TRPV4: variants seen among roughly 807,000 people sequenced by gnomAD.
The protein encoded by TRPV4 is OSM9-like transient receptor potential channel 4.
In TRPV4, 58 loss-of-function variants were observed where a neutral mutation model predicts 84.1. That is an observed-to-expected ratio of 0.69 (90% CI 0.56 to 0.86). The LOEUF is 0.86. Among genes scored for constraint, TRPV4 ranks in the 40% least tolerant of loss-of-function variants. The pLI, the probability that TRPV4 is intolerant of heterozygous loss-of-function variation, is 0.00. For synonymous variants in TRPV4, 489 were observed against 500.9 expected, an observed-to-expected ratio of 0.98 and a Z score of 0.32; for missense variants, 879 against 1,181.1, an observed-to-expected ratio of 0.74 and a Z score of 3.75.
In TRPV4 at chr12:109,796,615, C is replaced by A; in HGVS notation, c.1242G>T (p.Val414=). Residue 414 remains valine, a synonymous_variant, in exon 7 of 16, where the codon GTG becomes GTT. Transcript: ENST00000261740. The surrounding 1 kb of genome is among the most constrained non-coding windows in gnomAD (Gnocchi z 4.2). ...RKFKDWAYGP[V]YSSLYDLSSL... The stretch of plus-strand genomic sequence containing the variant: ...AGGAGAGGTCATAAAGCGAGGAATA[C>A]ACTGGCCCATAGGCCCAGTCCTTGA... 1.2e-6 allele frequency: 2 copies of A among 1,614,216 alleles called. No individual in the cohort carries two copies. Among genetic ancestry groups the A allele is most frequent in the Non-Finnish European group, 1.7e-6 (2 of 1,180,038 alleles).
rs1397311306 is a variant in TRPV4, at chr12:109,798,818, G to A, written c.948C>T (p.Arg316=). ...ENPHKKADMR[R]QDSRGNTVLH... is the part of the protein sequence containing the mutation. ...GCACTGTGTTGCCTCGCGAGTCCTG[G>A]CGCCGCATGTCCGCCTTCTTGTGGG... is the stretch of plus-strand genomic sequence containing the variant. Residue 316 remains arginine, a synonymous_variant, in exon 6 of 16, where the codon CGC becomes CGT. Transcript: ENST00000261740. This position sits in a 1 kb window ranked among gnomAD's most constrained non-coding sequence, Gnocchi z 5.0. 1 of 1,614,186 alleles carries A rather than the reference G, an allele frequency of 6.2e-7. No homozygotes were observed. The highest frequency in any genetic ancestry group is 1.7e-5 in the Admixed American group (1 of 60,032).
intron 1 of TRPV4, among the ~76,000 whole-genome samples, chr12:109,831,149 G>C (rs1200953708): frequency 6.6e-6 from 1 of 152,122 alleles, no homozygotes; most frequent in Non-Finnish European, 1.5e-5. Flanking sequence ...ACAAACTCCA[G>C]ACAAACAGAA....
At chr12:109,826,610 C>T (rs1365077815) in intron 1 of TRPV4, among the ~76,000 whole-genome samples, 2 of 152,174 alleles carry the variant, frequency 1.3e-5, no homozygotes, top group Non-Finnish European at 2.9e-5. Flanking sequence ...CTTTTAAATC[C>T]ATTTGAGTTC....
chr12:109,788,786 C>T, intron 12 of TRPV4, 70 bp from the exon 13 acceptor site: 1 of 1,577,780 alleles, frequency 6.3e-7, no homozygotes, highest in Non-Finnish European at 8.7e-7. Context: ...GTGTCATTCT[C>T]ATTTGCTGGA....
chr12:109,784,771 G>A (rs1176233999), intron 14 of TRPV4, among the ~76,000 whole-genome samples: 3 of 148,480 alleles, frequency 2.0e-5, no homozygotes, highest in Non-Finnish European at 3.0e-5. Context: ...TTGAACCTGG[G>A]AGGCAGTTGC....
In TRPV4 at chr12:109,786,633, AC is replaced by A; in HGVS notation, c.2336+76del. On this transcript the variant is annotated intron_variant, in intron 14 of 15. Coordinates refer to ENST00000261740, the MANE Select transcript of TRPV4 (RefSeq NM_021625.5). This position sits in a 1 kb window ranked among gnomAD's most constrained non-coding sequence, Gnocchi z 4.5. ...CTCCAGAAATTGCAATGGGTAGACG[AC>A]GCTGGAGCAGCAGGGGCCCCGAGCC... 1.3e-6 allele frequency: 2 copies of A among 1,586,902 alleles called. No homozygotes were observed. The highest frequency in any genetic ancestry group is 1.7e-6 in the Non-Finnish European group (2 of 1,164,706).
chr12:109,826,275 T>C (rs1211461410), intron 1 of TRPV4, among the ~76,000 whole-genome samples: 1 of 152,210 alleles, frequency 6.6e-6, no homozygotes, highest in Non-Finnish European at 1.5e-5. Flanking sequence ...CCACACACCT[T>C]GGCCTCCCAA....
rs562586885 is a variant in TRPV4 at position 109,799,148 on chromosome 12, G to A, written c.854-236C>T. 4.1e-4 allele frequency among the ~76,000 whole-genome samples: 62 copies of A among 151,702 alleles called. 3 individuals are homozygous for A. In the South Asian group the frequency reaches 0.011, roughly 27 times the overall value. Reference sequence around the variant, plus strand: ...GAGGGACTGGACACATCCAATGATGGAATTCTTTTTTTTTTTTTTTTTGAG... The same window carrying A: ...GAGGGACTGGACACATCCAATGATGAAATTCTTTTTTTTTTTTTTTTTGAG... On this transcript the variant is annotated intron_variant, in intron 5 of 15. Transcript: ENST00000261740.
chr12:109,802,090 T>C (rs577773077), intron 4 of TRPV4, among the ~76,000 whole-genome samples: 1 of 151,852 alleles, frequency 6.6e-6, no homozygotes, highest in East Asian at 1.9e-4. Flanking sequence ...GATCCCGAGT[T>C]CATGATCACT....
Position 109,796,562 on chromosome 12 carries a change from G to A in TRPV4, c.1295C>T (p.Ser432Phe). 1.9e-6 allele frequency: 3 copies of A among 1,614,140 alleles called. No individual in the cohort carries two copies. Among genetic ancestry groups the A allele is most frequent in the South Asian group, 1.1e-5 (1 of 91,084 alleles). Residue 432 changes from serine to phenylalanine, a missense_variant, in exon 7 of 16, where the codon TCC becomes TTC. Around this residue, in one of 4 missense-constraint regions of TRPV4, gnomAD observed 521 missense variants for 686.6 expected, o/e 0.76. Transcript: ENST00000261740. This position sits in a 1 kb window ranked among gnomAD's most constrained non-coding sequence, Gnocchi z 4.2. ...SSLDTCGEEA[S>F]VLEILVYNSK... The stretch of plus-strand genomic sequence containing the variant: ...GTTGTACACCAGGATCTCCAGCACG[G>A]AGGCCTCTTCCCCACACGTGTCCAG...
chr12:109,814,543 A>C lies in TRPV4; in HGVS notation c.254T>G (p.Leu85Arg). The C allele has an allele frequency of 6.2e-7, 1 of 1,614,108 alleles. No homozygotes were observed. Among genetic ancestry groups the C allele is most frequent in the Non-Finnish European group, 8.5e-7 (1 of 1,179,994 alleles). ...FRKGVPNPID[L>R]LESTLYESSV... Reference sequence around the variant, plus strand: ...GGACTCATATAGGGTGGACTCCAGCAGATCGATGGGGTTGGGCACCCCCTT... The same window carrying C: ...GGACTCATATAGGGTGGACTCCAGCCGATCGATGGGGTTGGGCACCCCCTT... The change falls in exon 2 of 16, where the codon CTG (leucine) becomes CGG (arginine). Residue 85 changes from leucine (L) to arginine (R), a missense_variant. Around this residue, in one of 4 missense-constraint regions of TRPV4, gnomAD observed 521 missense variants for 686.6 expected, o/e 0.76. Coordinates refer to ENST00000261740, the MANE Select transcript of TRPV4 (RefSeq NM_021625.5). This position sits in a 1 kb window ranked among gnomAD's most constrained non-coding sequence, Gnocchi z 5.4.
chr12:109,792,325 C>T, intron 12 of TRPV4, 38 bp downstream of exon 12: 1 of 1,593,576 alleles, frequency 6.3e-7, no homozygotes, highest in Non-Finnish European at 8.6e-7. Context: ...CGTCCTTGCA[C>T]CACCCCTGCC....
In TRPV4 at chr12:109,793,783, G is replaced by A. The variant is rs1289328074; in HGVS notation, c.1584+147C>T. ...GATGGAGAACGTGGGATTGGAGGAG[G>A]TAGAAGAGAAATGGGAAAATAAAAG... On this transcript the variant is annotated intron_variant, in intron 9 of 15. Transcript: ENST00000261740. The surrounding 1 kb of genome is among the most constrained non-coding windows in gnomAD (Gnocchi z 4.0). 2.4e-6 allele frequency: 2 copies of A among 826,066 alleles called. No homozygotes were observed. The highest frequency in any genetic ancestry group is 4.1e-6 in the Non-Finnish European group (2 of 489,670). The allele number at this position is 826,066 out of a possible 1,614,324, so 51.2% of individuals were successfully genotyped here. A position where few individuals can be genotyped will look rare whatever the true frequency, so the allele number is the denominator to read the frequency against.
chr12:109,801,905 T>C (rs995257369), intron 4 of TRPV4, among the ~76,000 whole-genome samples: 3 of 152,212 alleles, frequency 2.0e-5, no homozygotes, highest in Non-Finnish European at 4.4e-5. Flanking sequence ...ATAATATTCA[T>C]GGATTTTGAA....
At position 109,796,379 on chromosome 12, in the gene TRPV4, C is replaced by A. The variant is rs1199223693; in HGVS notation, c.1332+146G>T. The A allele has an allele frequency of 6.9e-6, 6 of 870,622 alleles. No homozygotes were observed. In the African/African-American group the frequency reaches 8.4e-5, roughly 12 times the overall value. 53.9% of individuals were successfully genotyped at this position (870,622 alleles called of 1,614,324 possible). On this transcript the variant is annotated intron_variant, in intron 7 of 15. Transcript: ENST00000261740. The surrounding 1 kb of genome is among the most constrained non-coding windows in gnomAD (Gnocchi z 4.2). ...GACACTGTTCTGGGCACTTAGTTGG[C>A]ACCTTCTCTTGCATTCAGCCAACAG...
rs1215301966 is a variant in TRPV4 at position 109,814,378 on chromosome 12, G to A, written c.386+33C>T. The A allele has an allele frequency of 4.3e-6, 7 of 1,609,288 alleles. No individual in the cohort carries two copies. The highest frequency in any genetic ancestry group is 2.2e-5 in the East Asian group (1 of 44,816). ...GAATGGGTGAATGGATACAGAGGAG[G>A]AGACCACAGGCCAGGAAGCTAACAA... On this transcript the variant is annotated intron_variant, in intron 2 of 15. Coordinates refer to ENST00000261740, the MANE Select transcript of TRPV4 (RefSeq NM_021625.5). The surrounding 1 kb of genome is among the most constrained non-coding windows in gnomAD (Gnocchi z 5.4).
rs1890714424 is a variant in TRPV4, at chr12:109,800,635, C to G, written c.836G>C (p.Gly279Ala). ...RGRFFQPKDEGGYFYFGELPL... is the reference protein window; with the variant it reads ...RGRFFQPKDEAGYFYFGELPL... ...CTCCTTACCAAAGTAGAAGTAGCCC[C>G]CCTCATCCTTGGGCTGGAAGAAGCG... The change falls in exon 5 of 16, where the codon GGG becomes GCG. Residue 279 changes from glycine to alanine, a missense_variant. Transcript: ENST00000261740. The G allele has an allele frequency of 6.2e-7, 1 of 1,614,216 alleles. No homozygotes were observed. The highest frequency in any genetic ancestry group is 8.5e-7 in the Non-Finnish European group (1 of 1,180,042).
At chr12:109,801,742 C>T (rs1227541801) in intron 4 of TRPV4, among the ~76,000 whole-genome samples, 2 of 152,006 alleles carry the variant, frequency 1.3e-5, no homozygotes, top group Non-Finnish European at 2.9e-5. Context: ...AGGTGGGAGA[C>T]TCCCTTGAGC....
chr12:109,800,364 G>A (rs1032312515), intron 5 of TRPV4, among the ~76,000 whole-genome samples: 9 of 152,114 alleles, frequency 5.9e-5, no homozygotes, highest in Non-Finnish European at 1.3e-4. Context: ...ACAGGTGTGA[G>A]ACACCGTGCC....
Sources: allele counts gnomAD v4.1 joint callset (sites outside exome capture counted in the v4.1 genomes callset), GRCh38; gene constraint gnomAD v4.1.1; regional missense constraint gnomAD v4.1.1; non-coding constraint Gnocchi (gnomAD v3.1); transcripts MANE v1.5; gene names NCBI Gene and HGNC (gene_info 2026-07-23, HGNC 2026-07-21).